Variants in ZNF438 observed in about 807,000 individuals in gnomAD.
ZNF438 encodes zinc finger protein 438.
Under a neutral mutation model 38.0 loss-of-function variants are expected in ZNF438, and 25 were observed. That is an observed-to-expected ratio of 0.66 (90% CI 0.48 to 0.92). The LOEUF is 0.92. Among genes scored for constraint, ZNF438 ranks in the 40% least tolerant of loss-of-function variants. The probability of loss-of-function intolerance (pLI) is 0.00; values close to 1 mark genes in which losing one functional copy is unlikely to be tolerated. For synonymous variants in ZNF438, 372 were observed against 364.1 expected (o/e 1.02, Z -0.25); for missense variants, 1,007 against 999.6 (o/e 1.01, Z -0.10).
intron 1 of ZNF438, among the ~76,000 whole-genome samples, chr10:30,955,525 C>A (rs566273894): frequency 4.6e-5 from 7 of 152,322 alleles, no homozygotes; most frequent in African/African-American, 1.7e-4. Context: ...ATAAGTCTGA[C>A]TATGCTAAGA....
intron 1 of ZNF438, among the ~76,000 whole-genome samples, chr10:30,943,721 T>C (rs1367377048): frequency 6.6e-6 from 1 of 152,048 alleles, no homozygotes; most frequent in African/African-American, 2.4e-5. Flanking sequence ...GAGATGGTAG[T>C]GAAAGAGTTA....
chr10:30,850,670 C>T (rs1356732085), intron 4 of ZNF438, among the ~76,000 whole-genome samples: 2 of 152,166 alleles, frequency 1.3e-5, no homozygotes, highest in Admixed American at 1.3e-4. Context: ...GCGAAAATTC[C>T]GTCCTTCTCA....
At position 30,872,606 on chromosome 10, in the gene ZNF438, C is replaced by T. The variant is rs543465721; in HGVS notation, c.37+4392G>A. ...TTGACTAAAAATACAAAAAATTAGCCGGGGGTGGGGGCAGGCACCTGTAGT... is the reference window on the plus strand; with the variant it reads ...TTGACTAAAAATACAAAAAATTAGCTGGGGGTGGGGGCAGGCACCTGTAGT... On this transcript the variant is annotated intron_variant, in intron 4 of 5. Coordinates refer to ENST00000413025, the Ensembl canonical transcript of ZNF438. 1.0e-4 allele frequency among the ~76,000 whole-genome samples: 15 copies of T among 150,730 alleles called. No homozygotes were observed. In the South Asian group the frequency reaches 1.7e-3, roughly 17 times the overall value.
chr10:31,024,695 A>C lies in ZNF438; in HGVS notation c.-192+7138T>G, dbSNP rs368460252. 7.9e-5 allele frequency among the ~76,000 whole-genome samples: 12 copies of C among 152,292 alleles called. No individual in the cohort carries two copies. In the East Asian group the frequency reaches 1.9e-3, roughly 24 times the overall value. On this transcript the variant is annotated intron_variant, in intron 1 of 5. Coordinates refer to ENST00000413025, the Ensembl canonical transcript of ZNF438. The stretch of plus-strand genomic sequence containing the variant: ...TTTCATCACTAACTTATTAACACAT[A>C]TGGAAAGTCATTTAACCTAAGTCTG...
intron 3 of ZNF438, among the ~76,000 whole-genome samples, chr10:30,903,341 C>T (rs1345219562): frequency 6.6e-6 from 1 of 152,224 alleles, no homozygotes; most frequent in African/African-American, 2.4e-5. Context: ...TGCCAGCACA[C>T]TGTCACCTCT....
At chr10:30,894,349 G>A (rs2041067369) in intron 3 of ZNF438, among the ~76,000 whole-genome samples, 1 of 152,192 alleles carries the variant, frequency 6.6e-6, no homozygotes, top group Non-Finnish European at 1.5e-5. Context: ...ATAATTTCCT[G>A]CCAGTTCAGG....
At chr10:30,865,950 T>C (rs1052340108) in intron 4 of ZNF438, among the ~76,000 whole-genome samples, 2 of 152,212 alleles carry the variant, frequency 1.3e-5, no homozygotes, top group African/African-American at 4.8e-5. Context: ...TTCATACTCA[T>C]ATCAAGATGT....
intron 3 of ZNF438, among the ~76,000 whole-genome samples, chr10:30,881,077 C>T (rs1050385499): frequency 6.6e-6 from 1 of 152,146 alleles, no homozygotes; most frequent in Non-Finnish European, 1.5e-5. Flanking sequence ...AGTTCACAAA[C>T]AAGAGAAGGA....
At chr10:30,961,255 T>A (rs867261588) in intron 1 of ZNF438, among the ~76,000 whole-genome samples, 14 of 115,168 alleles carry the variant, frequency 1.2e-4, no homozygotes, top group African/African-American at 3.3e-4. Flanking sequence ...AAAAAAAAAT[T>A]AAAAAAAAAA....
intron 2 of ZNF438, among the ~76,000 whole-genome samples, chr10:30,938,463 A>G (rs2046483859): frequency 6.6e-6 from 1 of 152,080 alleles, no homozygotes; most frequent in Admixed American, 6.6e-5. Flanking sequence ...TTTAGTAGAG[A>G]TGGGGTTTCA....
At chr10:31,026,683 C>T (rs562327110) in intron 1 of ZNF438, among the ~76,000 whole-genome samples, 136 of 152,182 alleles carry the variant, frequency 8.9e-4, no homozygotes, top group Non-Finnish European at 1.3e-3. Context: ...GACAGTGTGG[C>T]GATTCCTCAA....
intron 2 of ZNF438, among the ~76,000 whole-genome samples, chr10:30,923,039 T>C (rs767666182): frequency 2.6e-4 from 39 of 152,194 alleles, no homozygotes; most frequent in Admixed American, 2.0e-3. Flanking sequence ...ACTGAGAAAG[T>C]GATAGCACAT....
At chr10:30,844,795 ATATTT>A (rs1180949833) in exon 6 of ZNF438, 96 of 862,736 alleles carry the variant, frequency 1.1e-4, no homozygotes, top group East Asian at 2.0e-4. Context: ...TCGAGAGCTT[ATATTT>A]TATTTCGTTA....
At chr10:30,973,824 G>A (rs1450236607) in intron 1 of ZNF438, among the ~76,000 whole-genome samples, 1 of 152,268 alleles carries the variant, frequency 6.6e-6, no homozygotes, top group East Asian at 1.9e-4. Flanking sequence ...ATTTTATTCA[G>A]TCAGCACTCG....
chr10:30,991,761 A>C (rs973031550), intron 1 of ZNF438, among the ~76,000 whole-genome samples: 1 of 152,222 alleles, frequency 6.6e-6, no homozygotes, highest in Non-Finnish European at 1.5e-5. Flanking sequence ...CAGCCAGCTC[A>C]CAGTAAACAC....
intron 1 of ZNF438, among the ~76,000 whole-genome samples, chr10:31,023,958 G>A (rs537669748): frequency 9.2e-5 from 14 of 152,232 alleles, no homozygotes; most frequent in African/African-American, 3.1e-4. Flanking sequence ...CTGCAAGCAC[G>A]GTTCTCCCCT....
At chr10:30,851,719 T>C (rs1369174385) in intron 4 of ZNF438, among the ~76,000 whole-genome samples, 1 of 152,246 alleles carries the variant, frequency 6.6e-6, no homozygotes, top group Non-Finnish European at 1.5e-5. Flanking sequence ...GTTCAAGTTT[T>C]TGCTTCTGAA....
At chr10:30,873,757 C>T (rs550139619) in intron 4 of ZNF438, among the ~76,000 whole-genome samples, 92 of 152,234 alleles carry the variant, frequency 6.0e-4, no homozygotes, top group Non-Finnish European at 1.1e-3. Flanking sequence ...GATAGTTCCT[C>T]GTATGAATTA....
At chr10:30,941,921 G>A (rs184550425) in intron 1 of ZNF438, among the ~76,000 whole-genome samples, 1 of 152,270 alleles carries the variant, frequency 6.6e-6, no homozygotes, top group East Asian at 1.9e-4. Flanking sequence ...AGATATTTAA[G>A]CCTGATTTAA....
Sources: allele counts gnomAD v4.1 joint callset (sites outside exome capture counted in the v4.1 genomes callset), GRCh38; gene constraint gnomAD v4.1.1; transcripts MANE v1.5; gene names NCBI Gene and HGNC (gene_info 2026-07-23, HGNC 2026-07-21).